DOCK3: variants seen among roughly 807,000 people sequenced by gnomAD.
The protein encoded by DOCK3 is dedicator of cytokinesis protein 3.
Under a neutral mutation model 265.6 loss-of-function variants are expected in DOCK3, and 60 were observed. That is an observed-to-expected ratio of 0.23 (90% CI 0.18 to 0.28). DOCK3 has a LOEUF of 0.28. Among genes scored for constraint, DOCK3 ranks in the 10% least tolerant of loss-of-function variants. The pLI, the probability that DOCK3 is intolerant of heterozygous loss-of-function variation, is 1.00. For missense variants in DOCK3, 1,981 were observed against 2,594.3 expected (o/e 0.76, Z 5.14); for synonymous variants, 881 against 938.0 (o/e 0.94, Z 1.11).
intron 5 of DOCK3, among the ~76,000 whole-genome samples, chr3:51,035,263 A>G (rs1392247997): frequency 6.6e-6 from 1 of 151,900 alleles, no homozygotes; most frequent in Non-Finnish European, 1.5e-5. Flanking sequence ...TTTTTTCCAC[A>G]AGTCTTTGAG....
At chr3:51,348,756 G>C (rs571809486) in intron 38 of DOCK3, 96 bp from the exon 39 acceptor site, 1 of 1,250,752 alleles carries the variant, frequency 8.0e-7, no homozygotes, top group South Asian at 1.3e-5. Context: ...GGAGCTGGCG[G>C]GAGACCTTTT....
intron 1 of DOCK3, chr3:50,685,715 A>G: frequency 4.4e-6 from 1 of 226,434 alleles, no homozygotes. Flanking sequence ...TCCAGTGGTT[A>G]GAGCATGGAA....
intron 32 of DOCK3, among the ~76,000 whole-genome samples, chr3:51,327,137 C>T (rs1193768041): frequency 3.3e-5 from 5 of 152,146 alleles, no homozygotes; most frequent in African/African-American, 1.2e-4. Flanking sequence ...TGAGCCGTGT[C>T]AGCTGTCATA....
At chr3:50,776,197 TC>T (rs544255678) in intron 1 of DOCK3, among the ~76,000 whole-genome samples, 20 of 152,314 alleles carry the variant, frequency 1.3e-4, no homozygotes, top group South Asian at 1.2e-3. Context: ...TAATTTACAC[TC>T]CCACCAGCAG....
chr3:51,096,304 C>T (rs1363015011), intron 9 of DOCK3, among the ~76,000 whole-genome samples: 1 of 152,078 alleles, frequency 6.6e-6, no homozygotes, highest in African/African-American at 2.4e-5. Flanking sequence ...TTCACATAGT[C>T]CCATATTTCT....
At chr3:50,793,076 A>T (rs2042574816) in intron 2 of DOCK3, among the ~76,000 whole-genome samples, 1 of 152,118 alleles carries the variant, frequency 6.6e-6, no homozygotes, top group Non-Finnish European at 1.5e-5. Flanking sequence ...ATTAAAATTT[A>T]GTTTCAGAGC....
rs554846992 is a variant in DOCK3 at position 51,156,552 on chromosome 3, A to G, written c.829-2692A>G. Among the ~76,000 whole-genome samples the G allele has an allele frequency of 1.7e-4, 26 of 152,358 alleles. No individual in the cohort carries two copies. In the South Asian group the frequency reaches 5.2e-3, roughly 30 times the overall value. On this transcript the variant is annotated intron_variant, in intron 10 of 52. Transcript: ENST00000266037. ...GGTAACTGTGTTTAGTCATACACCT[A>G]TATTTAATAAGATAGCTTTTATATT...
intron 12 of DOCK3, among the ~76,000 whole-genome samples, chr3:51,181,210 C>T (rs1157893845): frequency 6.6e-6 from 1 of 151,958 alleles, no homozygotes; most frequent in East Asian, 1.9e-4. Flanking sequence ...CATATGTATA[C>T]ATGTGCCATG....
rs2084412583 is a variant in DOCK3, at chr3:51,330,039, G to A, written c.3403-99G>A. 3.4e-6 allele frequency: 4 copies of A among 1,179,666 alleles called. No individual in the cohort carries two copies. In the East Asian group the frequency reaches 7.7e-5, roughly 23 times the overall value. 73.1% of individuals were successfully genotyped at this position (1,179,666 alleles called of 1,614,324 possible). ...TTTCTTTGGAGCAAGGACAGGATCA[G>A]GAAGTAGTTTCCCACCATCCTCACC... On this transcript the variant is annotated intron_variant, in intron 32 of 52. Coordinates refer to ENST00000266037, the MANE Select transcript of DOCK3 (RefSeq NM_004947.5).
intron 5 of DOCK3, among the ~76,000 whole-genome samples, chr3:50,983,212 G>A (rs1319139285): frequency 2.0e-5 from 3 of 152,148 alleles, no homozygotes; most frequent in Non-Finnish European, 4.4e-5. Flanking sequence ...GGCGGCTCTG[G>A]TGCTGGCCTG....
At chr3:51,212,536 A>G (rs1430811733) in intron 13 of DOCK3, among the ~76,000 whole-genome samples, 2 of 150,450 alleles carry the variant, frequency 1.3e-5, no homozygotes, top group Admixed American at 1.3e-4. Context: ...CTCCTAAGTC[A>G]GTGGATTTCT....
chr3:50,939,361 A>G (rs2051569847), intron 5 of DOCK3, among the ~76,000 whole-genome samples: 1 of 152,122 alleles, frequency 6.6e-6, no homozygotes, highest in African/African-American at 2.4e-5. Flanking sequence ...TGAGGAGGGA[A>G]TACTTCCTAA....
chr3:51,014,804 C>T (rs1408223759), intron 5 of DOCK3, among the ~76,000 whole-genome samples: 2 of 152,036 alleles, frequency 1.3e-5, no homozygotes, highest in Non-Finnish European at 1.5e-5. Flanking sequence ...CATTTAGTGT[C>T]CTCTTCAATT....
At chr3:51,211,984 T>C (rs1461360099) in intron 13 of DOCK3, among the ~76,000 whole-genome samples, 1 of 152,120 alleles carries the variant, frequency 6.6e-6, no homozygotes, top group Admixed American at 6.6e-5. Flanking sequence ...AGCGAGTGGG[T>C]CACTTTACTG....
intron 38 of DOCK3, among the ~76,000 whole-genome samples, chr3:51,344,110 A>G (rs1160051432): frequency 2.6e-5 from 4 of 152,194 alleles, no homozygotes; most frequent in Non-Finnish European, 5.9e-5. Flanking sequence ...TAGACCAGCC[A>G]CTTATGTGGG....
intron 2 of DOCK3, among the ~76,000 whole-genome samples, chr3:50,834,478 T>C (rs1397069678): frequency 1.3e-5 from 2 of 152,128 alleles, no homozygotes; most frequent in Non-Finnish European, 2.9e-5. Flanking sequence ...CCAATAATAT[T>C]TACACAAATA....
chr3:50,933,841 G>A, intron 4 of DOCK3, 140 bp from the exon 5 acceptor site: 1 of 538,784 alleles, frequency 1.9e-6, no homozygotes. Context: ...TTATAAAAAG[G>A]TCTTTGATCA....
intron 46 of DOCK3, 25 bp downstream of exon 46, chr3:51,358,102 T>C (rs1482234279): frequency 3.7e-6 from 6 of 1,606,420 alleles, no homozygotes; most frequent in African/African-American, 1.3e-5. Context: ...GTCCTGCCCC[T>C]GCTGCAGTAG....
At chr3:50,691,933 TG>T (rs1231003121) in intron 1 of DOCK3, among the ~76,000 whole-genome samples, 16 of 151,670 alleles carry the variant, frequency 1.1e-4, no homozygotes, top group Non-Finnish European at 1.5e-4. Context: ...TTTTTTTTTT[TG>T]AGACAGAGTC....
Sources: gnomAD v4.1 joint callset for allele counts (sites outside exome capture counted in the v4.1 genomes callset) on GRCh38, gnomAD v4.1.1 for gene constraint, MANE v1.5 for transcripts, NCBI Gene and HGNC (gene_info 2026-07-23, HGNC 2026-07-21) for gene names.